The following CFAP74 variants were observed in gnomAD, a reference collection of about 807,000 sequenced individuals.
CFAP74 encodes the protein cilia and flagella associated protein 74.
Under a neutral mutation model 188.9 loss-of-function variants are expected in CFAP74, and 124 were observed. The ratio of observed to expected loss-of-function variants is 0.66; its 90% confidence interval spans 0.57 to 0.76. The LOEUF (loss-of-function observed/expected upper bound fraction) is 0.76, where lower values mean the gene tolerates loss of function less well. CFAP74 is among the 30% of genes least tolerant of loss of function. CFAP74 has a pLI of 0.00. For missense variants in CFAP74, 2,198 were observed against 2,165.2 expected (o/e 1.02, Z -0.30); for synonymous variants, 956 against 916.7 (o/e 1.04, Z -0.77).
intron 1 of CFAP74, among the ~76,000 whole-genome samples, chr1:1,994,536 T>C (rs1375963644): frequency 1.3e-5 from 2 of 152,212 alleles, no homozygotes; most frequent in Non-Finnish European, 2.9e-5. Flanking sequence ...ATTCCAACAA[T>C]ATTTTTTCCA....
chr1:1,985,059 T>G, intron 6 of CFAP74: 2 of 265,616 alleles, frequency 7.5e-6, no homozygotes, highest in East Asian at 7.1e-5. Context: ...CAGGAAAGCA[T>G]TTAGGACGAG....
At position 1,944,392 on chromosome 1, in the gene CFAP74, C is replaced by A; in HGVS notation, c.2425G>T (p.Val809Leu). ...TCATACATGCAGATCTTCAGGTCCA[C>A]GCTGGGCTTCGGCACCCAGACCGGC... ...DVPVWVPKPSVDLKICMYDRL... is the reference protein window; with the variant it reads ...DVPVWVPKPSLDLKICMYDRL... Residue 809 changes from valine (V) to leucine (L), a missense_variant, in exon 21 of 39, where the codon GTG becomes TTG. Transcript: ENST00000682832. 1 of 1,536,138 alleles carries A rather than the reference C, an allele frequency of 6.5e-7. No homozygotes were observed. The highest frequency in any genetic ancestry group is 8.7e-7 in the Non-Finnish European group (1 of 1,146,908).
intron 1 of CFAP74, among the ~76,000 whole-genome samples, chr1:1,997,999 C>T (rs182994903): frequency 5.3e-5 from 8 of 152,294 alleles, no homozygotes; most frequent in African/African-American, 1.2e-4. Context: ...CAATGTGGGC[C>T]GGGCGTGGTG....
chr1:1,971,307 G>C (rs879867681), intron 9 of CFAP74, among the ~76,000 whole-genome samples: 4 of 141,254 alleles, frequency 2.8e-5, no homozygotes, highest in Non-Finnish European at 6.1e-5. Flanking sequence ...GCTCACACAT[G>C]CACACCTGCA....
At chr1:1,956,506 C>G in intron 17 of CFAP74, 114 bp downstream of exon 17, 1 of 1,323,020 alleles carries the variant, frequency 7.6e-7, no homozygotes, top group Non-Finnish European at 1.1e-6. Context: ...ACACTGCCCT[C>G]CTTCTCCCAG....
At chr1:1,960,100 A>G (rs1400506499) in intron 14 of CFAP74, 70 bp from the exon 15 acceptor site, 1 of 1,370,054 alleles carries the variant, frequency 7.3e-7, no homozygotes, top group Admixed American at 1.9e-5. Flanking sequence ...CACCACCCAG[A>G]GCACAGTCAG....
intron 17 of CFAP74, among the ~76,000 whole-genome samples, chr1:1,956,143 C>T (rs1387901381): frequency 1.3e-5 from 2 of 152,244 alleles, no homozygotes; most frequent in Non-Finnish European, 2.9e-5. Flanking sequence ...TCCTCTTGGT[C>T]CAACCCTCCT....
At position 1,985,494 on chromosome 1, in the gene CFAP74, C is replaced by T; in HGVS notation, c.396-4G>A. 1 of 1,612,538 alleles carries T rather than the reference C, an allele frequency of 6.2e-7. No individual in the cohort carries two copies. The highest frequency in any genetic ancestry group is 8.5e-7 in the Non-Finnish European group (1 of 1,179,124). The stretch of plus-strand genomic sequence containing the variant: ...CTGGAGGCGGCCCACAGCGGCCCTG[C>T]AGTGGTGAACGGACAGGCCGGGCGT... On this transcript the variant is annotated splice_region_variant and splice_polypyrimidine_tract_variant and intron_variant, in intron 5 of 38. Coordinates refer to ENST00000682832, the MANE Select transcript of CFAP74 (RefSeq NM_001304360.2).
At chr1:1,962,742 G>A (rs1283067073) in intron 14 of CFAP74, among the ~76,000 whole-genome samples, 2 of 151,828 alleles carry the variant, frequency 1.3e-5, no homozygotes, top group East Asian at 1.9e-4. Context: ...AAAATTAGCC[G>A]GGCTTGGTGG....
chr1:1,991,504 G>A (rs2102109783), intron 1 of CFAP74, among the ~76,000 whole-genome samples: 1 of 152,116 alleles, frequency 6.6e-6, no homozygotes, highest in Middle Eastern at 3.4e-3. Flanking sequence ...TCAGGAGGCT[G>A]AGGCAGGAGA....
At chr1:1,994,690 T>C (rs1016743718) in intron 1 of CFAP74, among the ~76,000 whole-genome samples, 2 of 152,228 alleles carry the variant, frequency 1.3e-5, no homozygotes, top group African/African-American at 4.8e-5. Context: ...CCCGTGGATG[T>C]CAGTCTTCTA....
intron 25 of CFAP74, among the ~76,000 whole-genome samples, chr1:1,938,261 C>T (rs1653072308): frequency 6.6e-6 from 1 of 151,204 alleles, no homozygotes; most frequent in East Asian, 1.9e-4. Context: ...TCACACTCAA[C>T]CTTACACACC....
intron 1 of CFAP74, among the ~76,000 whole-genome samples, chr1:2,000,171 A>C (rs1357862000): frequency 1.3e-5 from 2 of 152,246 alleles, no homozygotes; most frequent in Non-Finnish European, 2.9e-5. Context: ...CTCAAAAAAA[A>C]GAAAAAAGAA....
At chr1:1,979,227 G>A (rs1207472389) in intron 6 of CFAP74, among the ~76,000 whole-genome samples, 3 of 104,054 alleles carry the variant, frequency 2.9e-5, no homozygotes, top group East Asian at 3.2e-4. Context: ...CATGTGACGA[G>A]GCTGCACAGA....
At chr1:1,926,044 TG>T (rs537931473) in intron 32 of CFAP74, 106 bp from the exon 33 acceptor site, 37 of 1,412,962 alleles carry the variant, frequency 2.6e-5, no homozygotes, top group Non-Finnish European at 3.1e-5. Context: ...GAGACAGCTC[TG>T]GGGGGGCTCT....
Position 1,923,707 on chromosome 1 carries a change from A to C in CFAP74, c.4389+68T>G, listed in dbSNP as rs1007848738. 2.5e-6 allele frequency: 4 copies of C among 1,602,580 alleles called. No individual in the cohort carries two copies. In the African/African-American group the frequency reaches 4.0e-5, roughly 16 times the overall value. ...CAGGGCCTCCAAAGTGGAGCAGTGC[A>C]GCCAAAGGCAAGGCCCTGCGTGGGG... is the stretch of plus-strand genomic sequence containing the variant. On this transcript the variant is annotated intron_variant, in intron 35 of 38. Transcript: ENST00000682832. This position sits in a 1 kb window ranked among gnomAD's most constrained non-coding sequence, Gnocchi z 6.3.
chr1:1,950,771 T>C (rs953607827), intron 18 of CFAP74, among the ~76,000 whole-genome samples: 50 of 152,242 alleles, frequency 3.3e-4, no homozygotes, highest in African/African-American at 1.1e-3. Context: ...CTGCAGTCTC[T>C]TAACAGCGTC....
intron 11 of CFAP74, among the ~76,000 whole-genome samples, chr1:1,967,134 C>T (rs969964745): frequency 3.9e-5 from 6 of 152,304 alleles, no homozygotes; most frequent in South Asian, 2.1e-4. Flanking sequence ...CCGCGCCTGG[C>T]GCAGTTCTCA....
chr1:1,950,025 G>A (rs1263327994), intron 18 of CFAP74, among the ~76,000 whole-genome samples: 1 of 152,154 alleles, frequency 6.6e-6, no homozygotes, highest in East Asian at 1.9e-4. Context: ...TTCTCTTGGT[G>A]GATACCTAGG....
Sources: gnomAD v4.1 joint callset for allele counts (sites outside exome capture counted in the v4.1 genomes callset) on GRCh38, gnomAD v4.1.1 for gene constraint, Gnocchi (gnomAD v3.1) non-coding constraint, MANE v1.5 for transcripts, NCBI Gene and HGNC (gene_info 2026-07-23, HGNC 2026-07-21) for gene names.